ELMO1: variants seen among roughly 807,000 people sequenced by gnomAD.
The protein encoded by ELMO1 is engulfment and cell motility 1.
In ELMO1, 26 loss-of-function variants were observed where a neutral mutation model predicts 98.9. That is an observed-to-expected ratio of 0.26 (90% confidence interval 0.19 to 0.36). The LOEUF (loss-of-function observed/expected upper bound fraction) is 0.36. Among genes scored for constraint, ELMO1 ranks in the 10% least tolerant of loss-of-function variants. ELMO1 has a pLI of 1.00. For synonymous variants in ELMO1, 346 were observed against 346.0 expected, an observed-to-expected ratio of 1.00 and a Z score of 0.00; for missense variants, 627 against 935.2, an observed-to-expected ratio of 0.67 and a Z score of 4.30.
rs371910595 is a variant in ELMO1 at position 37,225,044 on chromosome 7, T to C, written c.550-14A>G. The C allele has an allele frequency of 1.2e-5, 19 of 1,613,768 alleles. No homozygotes were observed. Among genetic ancestry groups the C allele is most frequent in the Non-Finnish European group, 1.6e-5 (19 of 1,179,906 alleles). On this transcript the variant is annotated splice_polypyrimidine_tract_variant and intron_variant, in intron 8 of 21. Coordinates refer to ENST00000310758, the MANE Select transcript of ELMO1 (RefSeq NM_014800.11). ...AAAACTTGCTATCTGAAAATCCAAG[T>C]GGGACACAATTGACTGCTCGTGGTA...
intron 1 of ELMO1, among the ~76,000 whole-genome samples, chr7:37,414,772 T>C (rs926001354): frequency 6.6e-6 from 1 of 152,234 alleles, no homozygotes; most frequent in African/African-American, 2.4e-5. Flanking sequence ...TCATTCTACC[T>C]GCTGCATTGG....
intron 1 of ELMO1, among the ~76,000 whole-genome samples, chr7:37,432,793 G>A (rs192298186): frequency 3.0e-4 from 46 of 152,348 alleles, no homozygotes; most frequent in African/African-American, 9.9e-4. Context: ...TGGCTGAACC[G>A]TGGATGAAGG....
intron 7 of ELMO1, among the ~76,000 whole-genome samples, chr7:37,242,531 A>G (rs1794812784): frequency 6.6e-6 from 1 of 152,182 alleles, no homozygotes; most frequent in Non-Finnish European, 1.5e-5. Flanking sequence ...TATACTGGAT[A>G]TTGTGAACAA....
intron 16 of ELMO1, among the ~76,000 whole-genome samples, chr7:36,938,379 T>C (rs1454490087): frequency 6.6e-6 from 1 of 152,168 alleles, no homozygotes; most frequent in Non-Finnish European, 1.5e-5. Context: ...CACAGAAAAC[T>C]GGAAGAGATT....
At chr7:37,183,722 T>C (rs1791026772) in intron 13 of ELMO1, among the ~76,000 whole-genome samples, 2 of 150,450 alleles carry the variant, frequency 1.3e-5, no homozygotes, top group African/African-American at 2.4e-5. Flanking sequence ...ATTCCAGACT[T>C]TTTTTTTCTC....
chr7:37,121,536 T>C (rs576838795), intron 14 of ELMO1, among the ~76,000 whole-genome samples: 8 of 152,096 alleles, frequency 5.3e-5, no homozygotes, highest in African/African-American at 1.9e-4. Context: ...CGATGGAAGA[T>C]CAAATGAATG....
chr7:37,347,193 T>A (rs1801048621), intron 1 of ELMO1, among the ~76,000 whole-genome samples: 1 of 152,250 alleles, frequency 6.6e-6, no homozygotes, highest in African/African-American at 2.4e-5. Context: ...CTTAAATTTA[T>A]GTTTTCACAA....
intron 20 of ELMO1, chr7:36,862,019 G>A (rs1035534509): frequency 1.8e-5 from 7 of 386,334 alleles, no homozygotes; most frequent in African/African-American, 1.4e-4. Context: ...GGCTCAATGA[G>A]TGTCCAAGGT....
intron 15 of ELMO1, among the ~76,000 whole-genome samples, chr7:37,056,327 T>C (rs1401118034): frequency 2.6e-5 from 4 of 152,224 alleles, no homozygotes; most frequent in South Asian, 4.1e-4. Flanking sequence ...GCTTTTCACA[T>C]GTCAGTTCAC....
intron 18 of ELMO1, among the ~76,000 whole-genome samples, chr7:36,885,339 AC>A (rs200234661): frequency 0.041 from 6,280 of 152,070 alleles, 292 homozygotes; most frequent in East Asian, 0.26. Context: ...AACAACAACA[AC>A]AACAACAACA....
chr7:37,337,540 AAAC>A (rs1562625806), intron 2 of ELMO1, among the ~76,000 whole-genome samples: 1 of 141,482 alleles, frequency 7.1e-6, no homozygotes, highest in African/African-American at 2.6e-5. Flanking sequence ...AAAAAAAAAA[AAAC>A]ACCTATGTGG....
chr7:37,156,348 A>G (rs1001847782), intron 13 of ELMO1, among the ~76,000 whole-genome samples: 2 of 152,116 alleles, frequency 1.3e-5, no homozygotes, highest in Non-Finnish European at 2.9e-5. Context: ...ACAGAGATAC[A>G]AAAAAACCCT....
At position 37,354,366 on chromosome 7, in the gene ELMO1, G is replaced by C. The variant is rs185972662; in HGVS notation, c.-73-11603C>G. On this transcript the variant is annotated intron_variant, in intron 1 of 21. Coordinates refer to ENST00000310758, the MANE Select transcript of ELMO1 (RefSeq NM_014800.11). The stretch of plus-strand genomic sequence containing the variant: ...GAATTCCTTGCACAGAAAACCTTCC[G>C]GCATTTCTTCAAGCAGCAGCTATTC... Among the ~76,000 whole-genome samples the C allele has an allele frequency of 1.3e-3, 205 of 152,292 alleles. 1 individual carries two copies. The highest frequency in any genetic ancestry group is 4.7e-3 in the African/African-American group (195 of 41,540).
At chr7:37,397,348 G>A (rs1454891965) in intron 1 of ELMO1, among the ~76,000 whole-genome samples, 1 of 152,202 alleles carries the variant, frequency 6.6e-6, no homozygotes, top group African/African-American at 2.4e-5. Flanking sequence ...AGGTTTGACA[G>A]AAAATTGATA....
intron 17 of ELMO1, among the ~76,000 whole-genome samples, chr7:36,894,136 A>G (rs904721840): frequency 1.3e-5 from 2 of 152,224 alleles, no homozygotes; most frequent in Admixed American, 6.5e-5. Context: ...CTCTTAGAAC[A>G]GGAGAAAGGA....
At chr7:36,981,218 C>G (rs1347790883) in intron 16 of ELMO1, among the ~76,000 whole-genome samples, 1 of 149,948 alleles carries the variant, frequency 6.7e-6, no homozygotes, top group East Asian at 2.0e-4. Flanking sequence ...AAAGCTCACT[C>G]ATTTCACCCG....
At chr7:37,060,947 C>T (rs540386914) in intron 15 of ELMO1, among the ~76,000 whole-genome samples, 1 of 151,066 alleles carries the variant, frequency 6.6e-6, no homozygotes, top group Admixed American at 6.6e-5. Flanking sequence ...CACTAAGATT[C>T]CGATTTCCAA....
intron 16 of ELMO1, among the ~76,000 whole-genome samples, chr7:36,911,052 C>T (rs17333304): frequency 0.083 from 12,675 of 152,174 alleles, 703 homozygotes; most frequent in Middle Eastern, 0.14. Context: ...GAGTTGCCAA[C>T]GGAACTTACA....
intron 1 of ELMO1, among the ~76,000 whole-genome samples, chr7:37,347,699 C>G (rs942385308): frequency 6.6e-6 from 1 of 151,852 alleles, no homozygotes; most frequent in African/African-American, 2.4e-5. Flanking sequence ...CCTTTTTTTC[C>G]TTTATAAATT....
Sources: allele counts gnomAD v4.1 joint callset (sites outside exome capture counted in the v4.1 genomes callset), GRCh38; gene constraint gnomAD v4.1.1; transcripts MANE v1.5; gene names NCBI Gene and HGNC (gene_info 2026-07-23, HGNC 2026-07-21).